SBF2: variants seen among roughly 807,000 people sequenced by gnomAD.
SBF2 encodes the protein myotubularin-related protein 13.
In SBF2, 112 loss-of-function variants were observed where a neutral mutation model predicts 225.2. The ratio of observed to expected loss-of-function variants is 0.50; its 90% CI spans 0.43 to 0.58. SBF2 has a LOEUF of 0.58. SBF2 is among the 20% of genes least tolerant of loss of function. SBF2 has a pLI of 0.00. For synonymous variants in SBF2, 763 were observed against 773.3 expected (o/e 0.99, Z 0.22); for missense variants, 1,996 against 2,206.2 (o/e 0.90, Z 1.91).
chr11:9,842,537 A>G, intron 25 of SBF2, 88 bp downstream of exon 25: 1 of 1,379,492 alleles, frequency 7.2e-7, no homozygotes, highest in Non-Finnish European at 1.0e-6. Flanking sequence ...GTTTTTGTGA[A>G]TCAAGATGTA....
At chr11:10,128,903 T>TA (rs1953889858) in intron 2 of SBF2, among the ~76,000 whole-genome samples, 1 of 152,182 alleles carries the variant, frequency 6.6e-6, no homozygotes, top group African/African-American at 2.4e-5. Context: ...CTTCTTTTCT[T>TA]ACCTAGTTCT....
intron 2 of SBF2, among the ~76,000 whole-genome samples, chr11:10,079,444 C>T (rs1951269670): frequency 6.6e-6 from 1 of 152,070 alleles, no homozygotes; most frequent in African/African-American, 2.4e-5. Context: ...TGAAGAAATT[C>T]CATAATACAG....
At chr11:9,900,505 G>A (rs11042537) in intron 16 of SBF2, among the ~76,000 whole-genome samples, 2,245 of 152,136 alleles carry the variant, frequency 0.015, 62 homozygotes, top group African/African-American at 0.051. Context: ...TTTAGCCTGT[G>A]CGGTCTAACC....
At chr11:9,968,597 G>GATC in intron 13 of SBF2, 52 bp from the exon 14 acceptor site, 1 of 1,442,254 alleles carries the variant, frequency 6.9e-7, no homozygotes, top group East Asian at 2.3e-5. Flanking sequence ...AACAATGGCA[G>GATC]ATCACCAGGA....
chr11:10,118,953 A>G (rs893882546), intron 2 of SBF2, among the ~76,000 whole-genome samples: 1 of 151,700 alleles, frequency 6.6e-6, no homozygotes, highest in Admixed American at 6.6e-5. Flanking sequence ...AAAAACACTC[A>G]GCATCTTCCT....
chr11:10,194,883 C>G, intron 1 of SBF2, among the ~76,000 whole-genome samples: 1 of 152,198 alleles, frequency 6.6e-6, no homozygotes, highest in East Asian at 1.9e-4. Flanking sequence ...AATCTAGTCT[C>G]TACCACGTTA....
chr11:10,097,478 G>C (rs1026890142), intron 2 of SBF2, among the ~76,000 whole-genome samples: 1 of 152,086 alleles, frequency 6.6e-6, no homozygotes, highest in Admixed American at 6.5e-5. Context: ...TTCAGGCAGA[G>C]ACCACGAAAC....
intron 2 of SBF2, among the ~76,000 whole-genome samples, chr11:10,148,402 C>T (rs1954988162): frequency 6.6e-6 from 1 of 152,144 alleles, no homozygotes; most frequent in Admixed American, 6.5e-5. Flanking sequence ...AGCCTCCATA[C>T]ATGGGGGCTA....
intron 32 of SBF2, 68 bp downstream of exon 32, chr11:9,807,932 G>T: frequency 7.2e-7 from 1 of 1,379,696 alleles, no homozygotes; most frequent in Non-Finnish European, 1.0e-6. Flanking sequence ...CCATCGCAAT[G>T]CTCCATCAAT....
At chr11:9,879,216 G>A (rs1029570280) in intron 17 of SBF2, among the ~76,000 whole-genome samples, 5 of 152,158 alleles carry the variant, frequency 3.3e-5, no homozygotes, top group Non-Finnish European at 7.4e-5. Context: ...AAAGGAAACA[G>A]TGCCACCTAA....
chr11:10,052,661 C>A (rs1950103164), intron 2 of SBF2, among the ~76,000 whole-genome samples: 1 of 152,130 alleles, frequency 6.6e-6, no homozygotes, highest in African/African-American at 2.4e-5. Flanking sequence ...AATAGGCCAT[C>A]CATCTGCAAA....
At chr11:9,973,108 C>G (rs548493848) in intron 13 of SBF2, among the ~76,000 whole-genome samples, 1 of 152,250 alleles carries the variant, frequency 6.6e-6, no homozygotes, top group Non-Finnish European at 1.5e-5. Context: ...TGTAAAGGAC[C>G]ACATTTGCTA....
intron 6 of SBF2, among the ~76,000 whole-genome samples, chr11:10,019,218 T>G (rs1456758184): frequency 1.3e-5 from 2 of 152,176 alleles, no homozygotes; most frequent in Non-Finnish European, 2.9e-5. Flanking sequence ...CAGAAGGGCA[T>G]TACGGGAACT....
intron 16 of SBF2, among the ~76,000 whole-genome samples, chr11:9,935,089 A>G (rs1442483200): frequency 2.0e-5 from 3 of 152,348 alleles, no homozygotes; most frequent in Non-Finnish European, 4.4e-5. Context: ...CCTTAAGCTG[A>G]TAAGCAGCTT....
intron 2 of SBF2, among the ~76,000 whole-genome samples, chr11:10,095,084 C>T (rs958855626): frequency 2.6e-5 from 4 of 151,890 alleles, no homozygotes; most frequent in South Asian, 2.1e-4. Context: ...ACCACCATGC[C>T]GAGCTAAATT....
chr11:10,254,036 G>A (rs1402064291), intron 1 of SBF2, among the ~76,000 whole-genome samples: 1 of 152,156 alleles, frequency 6.6e-6, no homozygotes, highest in South Asian at 2.1e-4. Flanking sequence ...CACACTGTTG[G>A]AAGGAGTGTA....
upstream of SBF2, among the ~76,000 whole-genome samples, chr11:10,296,164 C>G (rs1161439970): frequency 6.6e-6 from 1 of 151,988 alleles, no homozygotes; most frequent in Non-Finnish European, 1.5e-5. Flanking sequence ...CTTGGTTTTT[C>G]TCACTTAGTA....
chr11:10,267,880 A>T (rs1962146694), intron 1 of SBF2, among the ~76,000 whole-genome samples: 1 of 152,230 alleles, frequency 6.6e-6, no homozygotes, highest in South Asian at 2.1e-4. Context: ...TCACTATCTT[A>T]AATGAATATT....
chr11:10,125,083 G>A (rs1432126565), intron 2 of SBF2, among the ~76,000 whole-genome samples: 1 of 148,800 alleles, frequency 6.7e-6, no homozygotes, highest in African/African-American at 2.5e-5. Flanking sequence ...ACTCCAGCCT[G>A]GGTGACAAGA....
Sources: gnomAD v4.1 joint callset for allele counts (sites outside exome capture counted in the v4.1 genomes callset) on GRCh38, gnomAD v4.1.1 for gene constraint, MANE v1.5 for transcripts, NCBI Gene and HGNC (gene_info 2026-07-23, HGNC 2026-07-21) for gene names.